The following PHF21A variants were observed in gnomAD, a reference collection of about 807,000 sequenced individuals.
The protein encoded by PHF21A is BHC80a.
PHF21A carries 11 observed loss-of-function variants against 82.5 expected under a neutral mutation model. The ratio of observed to expected loss-of-function variants is 0.13; its 90% CI spans 0.08 to 0.22. The LOEUF is 0.22. PHF21A is among the 10% of genes least tolerant of loss of function. The pLI, the probability that PHF21A is intolerant of heterozygous loss-of-function variation, is 1.00. For missense variants in PHF21A, 579 were observed against 837.8 expected (o/e 0.69, Z 3.81); for synonymous variants, 297 against 302.8 (o/e 0.98, Z 0.20).
chr11:46,097,009 A>C (rs969944085), intron 1 of PHF21A, among the ~76,000 whole-genome samples: 4 of 151,978 alleles, frequency 2.6e-5, no homozygotes, highest in African/African-American at 9.7e-5. Flanking sequence ...ACCACACTCC[A>C]CATCTACTCC....
intron 5 of PHF21A, among the ~76,000 whole-genome samples, chr11:46,078,085 G>T (rs1386316790): frequency 1.3e-5 from 2 of 151,656 alleles, no homozygotes; most frequent in African/African-American, 4.9e-5. Flanking sequence ...GCTAATTTTT[G>T]TATCTAAATC....
At chr11:45,977,250 C>T (rs2136223756) in intron 7 of PHF21A, among the ~76,000 whole-genome samples, 1 of 151,002 alleles carries the variant, frequency 6.6e-6, no homozygotes, top group East Asian at 2.0e-4. Context: ...GATTCTCATG[C>T]CTAAGCCTCC....
intron 10 of PHF21A, among the ~76,000 whole-genome samples, chr11:45,959,509 C>A (rs965261528): frequency 6.6e-6 from 1 of 152,092 alleles, no homozygotes. Flanking sequence ...TTGCTTTCAC[C>A]ATTGCTATTT....
At chr11:45,950,790 CAG>C (rs1271561299) in intron 11 of PHF21A, among the ~76,000 whole-genome samples, 1 of 152,166 alleles carries the variant, frequency 6.6e-6, no homozygotes, top group African/African-American at 2.4e-5. Context: ...ACAAAACATG[CAG>C]AGAGTTTTAA....
At chr11:46,066,884 T>C (rs1424330965) in intron 6 of PHF21A, among the ~76,000 whole-genome samples, 3 of 152,358 alleles carry the variant, frequency 2.0e-5, no homozygotes, top group South Asian at 2.1e-4. Flanking sequence ...TGACCATGAA[T>C]GCATAAATAC....
chr11:45,987,178 T>C (rs2094519210), intron 6 of PHF21A, among the ~76,000 whole-genome samples: 1 of 151,610 alleles, frequency 6.6e-6, no homozygotes, highest in Non-Finnish European at 1.5e-5. Context: ...CCCAGCAGTT[T>C]GAAGCTTCAG....
At chr11:45,991,968 TA>T (rs2094719198) in intron 6 of PHF21A, among the ~76,000 whole-genome samples, 1 of 152,198 alleles carries the variant, frequency 6.6e-6, no homozygotes, top group Admixed American at 6.5e-5. Flanking sequence ...GCAAGACATG[TA>T]ATAGGATTAT....
intron 1 of PHF21A, among the ~76,000 whole-genome samples, chr11:46,102,929 T>C (rs2097113070): frequency 6.6e-6 from 1 of 152,080 alleles, no homozygotes; most frequent in African/African-American, 2.4e-5. Context: ...CAGTGGTGGC[T>C]TGAAGGGAAG....
At chr11:46,116,520 TA>T (rs1260478711) in intron 1 of PHF21A, 39 of 151,346 alleles carry the variant, frequency 2.6e-4, no homozygotes, top group Admixed American at 2.4e-3. Flanking sequence ...AAAACTGTAA[TA>T]GGGGACATAC....
At chr11:46,037,640 CAAA>C (rs1000939610) in intron 6 of PHF21A, among the ~76,000 whole-genome samples, 1 of 59,058 alleles carries the variant, frequency 1.7e-5, no homozygotes, top group African/African-American at 5.3e-5. Context: ...AACGTCATCT[CAAA>C]AAAAAAAAAA....
intron 6 of PHF21A, among the ~76,000 whole-genome samples, chr11:46,074,461 G>GT (rs1565863528): frequency 1.3e-5 from 2 of 150,608 alleles, no homozygotes; most frequent in Admixed American, 6.6e-5. Flanking sequence ...CTTTTGGCGG[G>GT]AGGGGGGAAG....
At chr11:45,965,759 A>C (rs958915427) in intron 9 of PHF21A, 151 bp from the exon 10 acceptor site, 1 of 648,244 alleles carries the variant, frequency 1.5e-6, no homozygotes, top group Non-Finnish European at 2.5e-6. Context: ...CAGGGCATAT[A>C]ATCTTATACA....
chr11:45,936,549 T>C lies in PHF21A; in HGVS notation c.1629A>G (p.Ala543=). The C allele has an allele frequency of 2.5e-6, 4 of 1,612,958 alleles. No individual in the cohort carries two copies. The highest frequency in any genetic ancestry group is 2.5e-6 in the Non-Finnish European group (3 of 1,178,890). Reference sequence around the variant, plus strand: ...TTGCTAAAGTTCCAGGCCATGGAATTGCTTCTTCCTTCTTCAGCATCTGAA... The same window carrying C: ...TTGCTAAAGTTCCAGGCCATGGAATCGCTTCTTCCTTCTTCAGCATCTGAA... ...CQDQMLKKEE[A]IPWPGTLAIV... The change falls in exon 17 of 19, where the codon GCA becomes GCG. Residue 543 remains alanine (A), a synonymous_variant. Transcript: ENST00000676320.
At chr11:46,080,355 T>C (rs1232186692) in intron 4 of PHF21A, among the ~76,000 whole-genome samples, 1 of 151,742 alleles carries the variant, frequency 6.6e-6, no homozygotes, top group African/African-American at 2.4e-5. Flanking sequence ...GACAGGGTCT[T>C]GTTATGTTGC....
chr11:45,956,453 T>C (rs1183673182), intron 10 of PHF21A, among the ~76,000 whole-genome samples: 4 of 152,108 alleles, frequency 2.6e-5, no homozygotes, highest in Admixed American at 6.5e-5. Flanking sequence ...TCATTGTCAC[T>C]GGCAAAGCTT....
At chr11:46,078,553 G>A (rs2096754942) in intron 5 of PHF21A, among the ~76,000 whole-genome samples, 1 of 152,122 alleles carries the variant, frequency 6.6e-6, no homozygotes, top group Non-Finnish European at 1.5e-5. Flanking sequence ...AAATGCCTAT[G>A]AGAATTTAAA....
chr11:46,023,046 C>T (rs575721146), intron 6 of PHF21A, among the ~76,000 whole-genome samples: 10 of 152,236 alleles, frequency 6.6e-5, no homozygotes, highest in African/African-American at 1.7e-4. Context: ...CCACCGCGCC[C>T]GGCCTTGTTA....
At chr11:45,942,315 T>C (rs925175245) in intron 15 of PHF21A, among the ~76,000 whole-genome samples, 1 of 152,144 alleles carries the variant, frequency 6.6e-6, no homozygotes, top group African/African-American at 2.4e-5. Context: ...ATAATCCCAA[T>C]TGACCCAAAA....
chr11:45,965,278 G>A (rs755258522), intron 10 of PHF21A, 37 bp downstream of exon 10: 1 of 1,591,780 alleles, frequency 6.3e-7, no homozygotes, highest in Non-Finnish European at 8.6e-7. Context: ...TCAACGACAA[G>A]GCTACTGCCC....
Sources: allele counts gnomAD v4.1 joint callset (sites outside exome capture counted in the v4.1 genomes callset), GRCh38; gene constraint gnomAD v4.1.1; transcripts MANE v1.5; gene names NCBI Gene and HGNC (gene_info 2026-07-23, HGNC 2026-07-21).